The following STK32B variants were observed in gnomAD, a reference collection of about 807,000 sequenced individuals.
STK32B encodes the protein serine/threonine-protein kinase 32B.
A neutral mutation model predicts 52.6 loss-of-function variants in STK32B; 43 were observed. The observed-to-expected ratio is 0.82, with a 90% CI of 0.64 to 1.05. The LOEUF (loss-of-function observed/expected upper bound fraction) is 1.05. Among genes scored for constraint, STK32B ranks in the 50% least tolerant of loss-of-function variants. The pLI is 0.00. For missense variants in STK32B, 621 were observed against 534.6 expected (o/e 1.16, Z -1.59); for synonymous variants, 238 against 204.3 (o/e 1.17, Z -1.41).
chr4:5,238,614 A>C (rs979702891), intron 3 of STK32B, among the ~76,000 whole-genome samples: 3 of 152,254 alleles, frequency 2.0e-5, no homozygotes, highest in Admixed American at 1.3e-4. Context: ...GTGGATGGAA[A>C]AATCCATTTG....
intron 4 of STK32B, among the ~76,000 whole-genome samples, chr4:5,352,498 G>A (rs1560344620): frequency 6.6e-6 from 1 of 151,688 alleles, no homozygotes; most frequent in Admixed American, 6.6e-5. Flanking sequence ...ATACTGAATG[G>A]GGCAAAGCTG....
intron 3 of STK32B, among the ~76,000 whole-genome samples, chr4:5,248,956 A>G (rs1400099898): frequency 3.9e-5 from 6 of 152,060 alleles, no homozygotes; most frequent in Non-Finnish European, 8.8e-5. Flanking sequence ...GAGGGATAGC[A>G]TTAGGAGATA....
At chr4:5,271,539 A>G (rs1033280480) in intron 3 of STK32B, among the ~76,000 whole-genome samples, 2 of 149,404 alleles carry the variant, frequency 1.3e-5, no homozygotes, top group Non-Finnish European at 2.9e-5. Flanking sequence ...AATTCTGTGA[A>G]GAAAGTCATT....
At chr4:5,150,116 A>G (rs1278256560) in intron 2 of STK32B, among the ~76,000 whole-genome samples, 1 of 152,026 alleles carries the variant, frequency 6.6e-6, no homozygotes, top group East Asian at 1.9e-4. Flanking sequence ...TCCAGTATGT[A>G]ATGTGTCACT....
chr4:5,075,130 T>C (rs909423207), intron 1 of STK32B, among the ~76,000 whole-genome samples: 1 of 152,166 alleles, frequency 6.6e-6, no homozygotes, highest in Non-Finnish European at 1.5e-5. Flanking sequence ...TTTTTGTGTA[T>C]TGTTATTTCT....
intron 3 of STK32B, among the ~76,000 whole-genome samples, chr4:5,313,152 A>T (rs1373749384): frequency 6.6e-6 from 1 of 151,392 alleles, no homozygotes; most frequent in Non-Finnish European, 1.5e-5. Context: ...ATTATCAAGT[A>T]GAATCCACCA....
intron 3 of STK32B, among the ~76,000 whole-genome samples, chr4:5,242,605 G>T (rs371900164): frequency 1.4e-4 from 22 of 152,064 alleles, no homozygotes; most frequent in Non-Finnish European, 2.5e-4. Context: ...GTCAATTTTG[G>T]CTTTTGTTGC....
intron 1 of STK32B, among the ~76,000 whole-genome samples, chr4:5,114,354 G>A (rs1714595394): frequency 6.6e-6 from 1 of 151,946 alleles, no homozygotes; most frequent in African/African-American, 2.4e-5. Context: ...CCTGGACCCA[G>A]ATGTATTTCC....
chr4:5,346,648 G>C (rs915828482), intron 4 of STK32B, among the ~76,000 whole-genome samples: 1 of 152,324 alleles, frequency 6.6e-6, no homozygotes, highest in East Asian at 1.9e-4. Context: ...CTCAGAGACC[G>C]TGGGTAAGTC....
intron 4 of STK32B, among the ~76,000 whole-genome samples, chr4:5,382,459 G>C (rs1735994422): frequency 6.6e-6 from 1 of 151,982 alleles, no homozygotes; most frequent in African/African-American, 2.4e-5. Flanking sequence ...TTCCTCCAAG[G>C]GCAATTGGCT....
At chr4:5,412,001 T>C (rs1323002894) in intron 5 of STK32B, among the ~76,000 whole-genome samples, 1 of 152,106 alleles carries the variant, frequency 6.6e-6, no homozygotes, top group Non-Finnish European at 1.5e-5. Flanking sequence ...TTTTGAAGAA[T>C]TAGTGAAAAT....
rs79380898 is a variant in STK32B, at chr4:5,152,644, G to A, written c.108+12684G>A. Among the ~76,000 whole-genome samples the A allele has an allele frequency of 7.8e-3, 1,186 of 152,380 alleles. 5 individuals carry two copies. The highest frequency in any genetic ancestry group is 0.019 in the African/African-American group (795 of 41,594). On this transcript the variant is annotated intron_variant, in intron 2 of 11. Coordinates refer to ENST00000282908, the MANE Select transcript of STK32B (RefSeq NM_018401.3). ...GTGGCTGTAGATGAAAAGCTAATGC[G>A]TGGATACGCAGTTCTCATTCGGTGA...
chr4:5,411,476 A>G (rs1174233143), intron 5 of STK32B, among the ~76,000 whole-genome samples: 7 of 152,244 alleles, frequency 4.6e-5, no homozygotes, highest in African/African-American at 1.7e-4. Context: ...AATACAAACA[A>G]TATATACAAC....
chr4:5,317,255 A>G (rs1343671852), intron 3 of STK32B, among the ~76,000 whole-genome samples: 4 of 43,334 alleles, frequency 9.2e-5, no homozygotes, highest in Non-Finnish European at 1.3e-4. Flanking sequence ...TATATATAAC[A>G]TATAACATAT....
chr4:5,194,541 G>A (rs1159968586), intron 3 of STK32B, among the ~76,000 whole-genome samples: 1 of 152,164 alleles, frequency 6.6e-6, no homozygotes, highest in African/African-American at 2.4e-5. Context: ...ATGCGCCAGA[G>A]CAATTGAAAG....
the STK32B span, among the ~76,000 whole-genome samples, chr4:5,025,153 C>T: frequency 2.6e-5 from 4 of 152,250 alleles, no homozygotes; most frequent in East Asian, 7.8e-4. Flanking sequence ...TGACTCAGGA[C>T]CCAGCACTTT....
intron 6 of STK32B, among the ~76,000 whole-genome samples, chr4:5,446,141 G>C (rs1289243875): frequency 6.6e-6 from 1 of 152,206 alleles, no homozygotes; most frequent in South Asian, 2.1e-4. Context: ...CATCCCATCT[G>C]CATTCCACCC....
chr4:5,441,441 C>T (rs1408458527), intron 6 of STK32B, among the ~76,000 whole-genome samples: 3 of 150,702 alleles, frequency 2.0e-5, no homozygotes, highest in Admixed American at 6.6e-5. Context: ...TCTGTGGGAT[C>T]AGTGGTGATA....
At chr4:5,053,345 A>T (rs1400940960) in intron 1 of STK32B, among the ~76,000 whole-genome samples, 1 of 152,132 alleles carries the variant, frequency 6.6e-6, no homozygotes, top group Non-Finnish European at 1.5e-5. Flanking sequence ...CCAGTTGTGG[A>T]CAGAGGAGAG....
Sources: allele counts gnomAD v4.1 joint callset (sites outside exome capture counted in the v4.1 genomes callset), GRCh38; gene constraint gnomAD v4.1.1; transcripts MANE v1.5; gene names NCBI Gene and HGNC (gene_info 2026-07-23, HGNC 2026-07-21).